Variants in LARGE1 observed in about 807,000 individuals in gnomAD.
LARGE1 encodes the protein LARGE xylosyl- and glucuronyltransferase 1.
Under a neutral mutation model 87.6 loss-of-function variants are expected in LARGE1, and 43 were observed. The observed-to-expected ratio is 0.49, with a 90% CI of 0.38 to 0.63. The LOEUF (loss-of-function observed/expected upper bound fraction) is 0.63, where lower values mean the gene tolerates loss of function less well. Ranked by LOEUF, LARGE1 falls within the 30% of genes least tolerant of loss-of-function variation. The probability of loss-of-function intolerance (pLI) is 0.00; values close to 1 mark genes in which losing one functional copy is unlikely to be tolerated. For synonymous variants in LARGE1, 434 were observed against 394.6 expected, an observed-to-expected ratio of 1.10 and a Z score of -1.18; for missense variants, 802 against 1,000.2, an observed-to-expected ratio of 0.80 and a Z score of 2.67.
At chr22:33,134,675 G>T in the LARGE1 span, among the ~76,000 whole-genome samples, 1,596 of 152,292 alleles carry the variant, frequency 0.01, 26 homozygotes, top group African/African-American at 0.036. Flanking sequence ...CAGGCCCCCA[G>T]AAGAAGTGGG....
At chr22:33,709,874 G>A (rs531251991) in intron 2 of LARGE1, among the ~76,000 whole-genome samples, 5 of 150,290 alleles carry the variant, frequency 3.3e-5, no homozygotes, top group East Asian at 4.0e-4. Flanking sequence ...TGATCTGCCC[G>A]CCTCGGCCTC....
chr22:33,220,691 C>T (rs1421207741), intron 11 of LARGE1, among the ~76,000 whole-genome samples: 1 of 152,136 alleles, frequency 6.6e-6, no homozygotes, highest in Non-Finnish European at 1.5e-5. Flanking sequence ...CTGAAGCTGC[C>T]CATTGACTAC....
intron 1 of LARGE1, among the ~76,000 whole-genome samples, chr22:33,878,790 A>G (rs1360488378): frequency 3.9e-5 from 6 of 152,202 alleles, no homozygotes; most frequent in Admixed American, 3.9e-4. Flanking sequence ...CTAACATTCA[A>G]TTACTTGTCA....
chr22:33,633,106 C>A (rs1409393745), intron 3 of LARGE1, among the ~76,000 whole-genome samples: 1 of 152,096 alleles, frequency 6.6e-6, no homozygotes, highest in African/African-American at 2.4e-5. Context: ...TTTAGAGTTG[C>A]CAGTGTTCCA....
At chr22:33,861,860 CTTTTTTTTTTT>C (rs59657748) in intron 1 of LARGE1, among the ~76,000 whole-genome samples, 8 of 117,218 alleles carry the variant, frequency 6.8e-5, no homozygotes, top group East Asian at 4.9e-4. Flanking sequence ...CCCAGACATT[CTTTTTTTTTTT>C]TTTTTTTTTT....
chr22:33,861,259 G>A (rs1007899434), intron 1 of LARGE1, among the ~76,000 whole-genome samples: 7 of 151,964 alleles, frequency 4.6e-5, no homozygotes, highest in African/African-American at 1.5e-4. Flanking sequence ...TTTTCTCTTC[G>A]TTAACTTGGT....
intron 3 of LARGE1, among the ~76,000 whole-genome samples, chr22:33,645,595 G>A (rs1338558299): frequency 6.6e-6 from 1 of 152,132 alleles, no homozygotes; most frequent in Non-Finnish European, 1.5e-5. Flanking sequence ...TGACAAATGG[G>A]ATCTAATTAA....
the LARGE1 span, among the ~76,000 whole-genome samples, chr22:33,121,075 A>G: frequency 6.6e-6 from 1 of 151,988 alleles, no homozygotes; most frequent in Non-Finnish European, 1.5e-5. Flanking sequence ...TATTTAAACA[A>G]CTGACTACCT....
At chr22:33,558,004 C>G (rs1422211160) in intron 6 of LARGE1, among the ~76,000 whole-genome samples, 1 of 152,304 alleles carries the variant, frequency 6.6e-6, no homozygotes, top group East Asian at 1.9e-4. Flanking sequence ...GTACTAGAAG[C>G]ACATCACCTC....
chr22:33,095,008 C>T, the LARGE1 span, among the ~76,000 whole-genome samples: 1 of 152,202 alleles, frequency 6.6e-6, no homozygotes, highest in African/African-American at 2.4e-5. Flanking sequence ...CATGAGCCAC[C>T]GCGCCTGGCC....
intron 11 of LARGE1, among the ~76,000 whole-genome samples, chr22:33,217,698 C>G (rs140434809): frequency 6.6e-6 from 1 of 152,168 alleles, no homozygotes; most frequent in Middle Eastern, 3.4e-3. Context: ...ATACAGAGGA[C>G]TTCAACTATA....
chr22:33,298,118 C>T (rs1026267709), intron 12 of LARGE1, among the ~76,000 whole-genome samples: 2 of 152,110 alleles, frequency 1.3e-5, no homozygotes, highest in African/African-American at 2.4e-5. Flanking sequence ...CGATGTCTCA[C>T]GTCTTCCTCT....
chr22:33,390,411 G>A (rs904790739), intron 7 of LARGE1, among the ~76,000 whole-genome samples: 5 of 152,146 alleles, frequency 3.3e-5, no homozygotes, highest in Admixed American at 2.0e-4. Context: ...TCACAGTGCT[G>A]GCAACTGCTT....
At chr22:33,269,824 T>C (rs1568997732), downstream of LARGE1, among the ~76,000 whole-genome samples, 1 of 151,952 alleles carries the variant, frequency 6.6e-6, no homozygotes, top group Non-Finnish European at 1.5e-5. Context: ...GCTAAAACGG[T>C]GAAACCCTGT....
intron 9 of LARGE1, among the ~76,000 whole-genome samples, chr22:33,355,014 T>A (rs968298836): frequency 1.3e-5 from 2 of 152,226 alleles, no homozygotes; most frequent in African/African-American, 4.8e-5. Flanking sequence ...ATGAAACTTT[T>A]CTGTTTTATA....
chr22:33,679,239 CAG>C (rs1236584930), intron 2 of LARGE1, among the ~76,000 whole-genome samples: 2 of 152,128 alleles, frequency 1.3e-5, no homozygotes, highest in Non-Finnish European at 2.9e-5. Context: ...ACCTATGTGC[CAG>C]ACACTTTGCT....
chr22:33,447,852 G>C (rs73407361), intron 6 of LARGE1, among the ~76,000 whole-genome samples: 2,627 of 152,174 alleles, frequency 0.017, 61 homozygotes, highest in African/African-American at 0.059. Context: ...GCACACTCTG[G>C]AGCTGGTGTG....
intron 6 of LARGE1, among the ~76,000 whole-genome samples, chr22:33,517,482 C>T (rs922291729): frequency 3.9e-5 from 6 of 152,068 alleles, no homozygotes; most frequent in African/African-American, 9.7e-5. Context: ...TGGGTTCAAG[C>T]GCGATTCTCC....
At chr22:33,152,408 T>C in the LARGE1 span, among the ~76,000 whole-genome samples, 1 of 152,206 alleles carries the variant, frequency 6.6e-6, no homozygotes, top group Admixed American at 6.5e-5. Context: ...AAAGAGTGCC[T>C]ACTGGCCCGA....
Sources: gnomAD v4.1 joint callset for allele counts (sites outside exome capture counted in the v4.1 genomes callset) on GRCh38, gnomAD v4.1.1 for gene constraint, MANE v1.5 for transcripts, NCBI Gene and HGNC (gene_info 2026-07-23, HGNC 2026-07-21) for gene names.